The following KCTD12 variants were observed in gnomAD, a reference collection of about 807,000 sequenced individuals.
KCTD12 encodes the protein BTB/POZ domain-containing protein KCTD12.
KCTD12 carries 16 observed loss-of-function variants against 22.6 expected under a neutral mutation model. That is an observed-to-expected ratio of 0.71 (90% CI 0.48 to 1.07). The LOEUF (loss-of-function observed/expected upper bound fraction) is 1.07. Among genes scored for constraint, KCTD12 ranks in the 50% least tolerant of loss-of-function variants. KCTD12 has a pLI of 0.00. For synonymous variants in KCTD12, 260 were observed against 228.0 expected, an observed-to-expected ratio of 1.14 and a Z score of -1.26; for missense variants, 452 against 469.2, an observed-to-expected ratio of 0.96 and a Z score of 0.34.
At position 76,883,190 on chromosome 13, in the gene KCTD12, G is replaced by A. The variant is rs1348535424; in HGVS notation, c.*1981C>T. The stretch of plus-strand genomic sequence containing the variant: ...TGATTCATGTAAAATGTTTATATAT[G>A]GTATATACAGCTTGGATCACATGAG... On this transcript the variant is annotated 3_prime_UTR_variant, in exon 1 of 1. Coordinates refer to ENST00000377474, the MANE Select transcript of KCTD12 (RefSeq NM_138444.4). The A allele has an allele frequency of 6.6e-6, 1 of 152,106 alleles. No individual in the cohort carries two copies. Among genetic ancestry groups the A allele is most frequent in the Non-Finnish European group, 1.5e-5 (1 of 68,008 alleles). 9.4% of individuals were successfully genotyped at this position (152,106 alleles called of 1,614,324 possible). A position where few individuals can be genotyped will look rare whatever the true frequency, so the allele number is the denominator to read the frequency against.
Position 76,886,049 on chromosome 13 carries a change from C to T in KCTD12, c.100G>A (p.Asp34Asn), listed in dbSNP as rs865778397. 1.9e-6 allele frequency: 3 copies of T among 1,574,812 alleles called. No homozygotes were observed. The African/African-American group carries it at 4.1e-5, about 21-fold the overall frequency. The change falls in exon 1 of 1, where the codon GAC becomes AAC. Residue 34 changes from aspartate (D) to asparagine (N), a missense_variant. Asp to Asn is a conservative substitution (Grantham distance 23). Transcript: ENST00000377474. Reference sequence around the variant, plus strand: ...CCCCCCACGTTCAGCTCCACGATGTCGGGGAAGAGCGGTGGCTCCGCGGAG... The same window carrying T: ...CCCCCCACGTTCAGCTCCACGATGTTGGGGAAGAGCGGTGGCTCCGCGGAG... ...SSSAEPPLFP[D>N]IVELNVGGQV...
Position 76,882,494 on chromosome 13 carries a change from A to T in KCTD12, c.*2677T>A, listed in dbSNP as rs953761016. 1 of 152,180 alleles carries T rather than the reference A, an allele frequency of 6.6e-6. No individual in the cohort carries two copies. Among genetic ancestry groups the T allele is most frequent in the African/African-American group, 2.4e-5 (1 of 41,440 alleles). 9.4% of individuals were successfully genotyped at this position (152,180 alleles called of 1,614,324 possible). On this transcript the variant is annotated 3_prime_UTR_variant, in exon 1 of 1. Transcript: ENST00000377474. Reference sequence around the variant, plus strand: ...GTAAGACTTGAGTGACAGAGGCAAAATTTTAGCAGTTTCTCAAGACTCTTG... The same window carrying T: ...GTAAGACTTGAGTGACAGAGGCAAATTTTTAGCAGTTTCTCAAGACTCTTG...
rs1476101547 is a variant in KCTD12, at chr13:76,882,910, TA to T, written c.*2260del. The T allele has an allele frequency of 6.6e-6, 1 of 152,184 alleles. No homozygotes were observed. Among genetic ancestry groups the T allele is most frequent in the East Asian group, 1.9e-4 (1 of 5,202 alleles). 9.4% of individuals were successfully genotyped at this position (152,184 alleles called of 1,614,324 possible). ...CCCAACTAAAAAAAAATTAGTGGATTAAAAATACAGGTACCTTGACTTTAAG... is the reference window on the plus strand; with the variant it reads ...CCCAACTAAAAAAAAATTAGTGGATTAAAATACAGGTACCTTGACTTTAAG... On this transcript the variant is annotated 3_prime_UTR_variant, in exon 1 of 1. Transcript: ENST00000377474.
Position 76,882,265 on chromosome 13 carries a change from A to C in KCTD12, c.*2906T>G, listed in dbSNP as rs1286658522. The C allele has an allele frequency of 1.3e-5, 2 of 152,176 alleles. No homozygotes were observed. Among genetic ancestry groups the C allele is most frequent in the Non-Finnish European group, 1.5e-5 (1 of 68,040 alleles). 9.4% of individuals were successfully genotyped at this position (152,176 alleles called of 1,614,324 possible). Reference sequence around the variant, plus strand: ...CCTTTACTTTAGGCTAAAAATAGACAGTTTTCTTGTATTGACTTTAACTTT... The same window carrying C: ...CCTTTACTTTAGGCTAAAAATAGACCGTTTTCTTGTATTGACTTTAACTTT... On this transcript the variant is annotated 3_prime_UTR_variant, in exon 1 of 1. Transcript: ENST00000377474.
Position 76,882,487 on chromosome 13 carries a change from A to C in KCTD12, c.*2684T>G, listed in dbSNP as rs905533636. 1 of 152,232 alleles carries C rather than the reference A, an allele frequency of 6.6e-6. No individual in the cohort carries two copies. Among genetic ancestry groups the C allele is most frequent in the African/African-American group, 2.4e-5 (1 of 41,458 alleles). The allele number at this position is 152,232 out of a possible 1,614,324, so 9.4% of individuals were successfully genotyped here. ...AACATTTGTAAGACTTGAGTGACAG[A>C]GGCAAAATTTTAGCAGTTTCTCAAG... is the stretch of plus-strand genomic sequence containing the variant. On this transcript the variant is annotated 3_prime_UTR_variant, in exon 1 of 1. Transcript: ENST00000377474.
At position 76,883,411 on chromosome 13, in the gene KCTD12, C is replaced by T. The variant is rs2137701458; in HGVS notation, c.*1760G>A. ...AGGCTTCTCTGTCATCACAGAATAT[C>T]CAAAGGACACCTCACAGCATGGAGC... On this transcript the variant is annotated 3_prime_UTR_variant, in exon 1 of 1. Transcript: ENST00000377474. The T allele has an allele frequency of 6.5e-6, 1 of 152,726 alleles. No homozygotes were observed. The highest frequency in any genetic ancestry group is 2.1e-4 in the South Asian group (1 of 4,824). 9.5% of individuals were successfully genotyped at this position (152,726 alleles called of 1,614,324 possible).
Position 76,886,227 on chromosome 13 carries a change from C to T in KCTD12, c.-79G>A, listed in dbSNP as rs1387360149. 3.6e-6 allele frequency: 5 copies of T among 1,375,484 alleles called. No individual in the cohort carries two copies. The African/African-American group carries it at 6.1e-5, about 17-fold the overall frequency. The allele number at this position is 1,375,484 out of a possible 1,614,324, so 85.2% of individuals were successfully genotyped here. On this transcript the variant is annotated 5_prime_UTR_variant, in exon 1 of 1. Coordinates refer to ENST00000377474, the MANE Select transcript of KCTD12 (RefSeq NM_138444.4). ...AGCTGCAACCGCCTTCCCCGGAGCC[C>T]CGGAACCCGGACGCTCGCTCAGCCC...
Position 76,886,273 on chromosome 13 carries a change from GCCGCCACCGCCGCCA to G in KCTD12, c.-140_-126del, listed in dbSNP as rs1171935922. 5.9e-3 allele frequency: 6,335 copies of G among 1,069,418 alleles called. 34 individuals are homozygous for G. The highest frequency in any genetic ancestry group is 0.012 in the South Asian group (428 of 35,622). The allele number at this position is 1,069,418 out of a possible 1,614,324, so 66.2% of individuals were successfully genotyped here. A position where few individuals can be genotyped will look rare whatever the true frequency, so the allele number is the denominator to read the frequency against. On this transcript the variant is annotated 5_prime_UTR_variant, in exon 1 of 1. Coordinates refer to ENST00000377474, the MANE Select transcript of KCTD12 (RefSeq NM_138444.4). ...AGCCCTGCGCCCCGCCGCCGCCGCCGCCGCCACCGCCGCCACCGCCACCGCCGCCACCTCCTAGAG... is the reference window on the plus strand; with the variant it reads ...AGCCCTGCGCCCCGCCGCCGCCGCCGCCGCCACCGCCGCCACCTCCTAGAG...
At position 76,883,275 on chromosome 13, in the gene KCTD12, G is replaced by C. The variant is rs1049634897; in HGVS notation, c.*1896C>G. On this transcript the variant is annotated 3_prime_UTR_variant, in exon 1 of 1. Transcript: ENST00000377474. The stretch of plus-strand genomic sequence containing the variant: ...ATGGACATAGTAAGATACAGTACGA[G>C]ATTCATTTTTAAAAACAAGGAAAAA... The C allele has an allele frequency of 2.0e-5, 3 of 152,158 alleles. No homozygotes were observed. The highest frequency in any genetic ancestry group is 4.4e-5 in the Non-Finnish European group (3 of 68,018). 9.4% of individuals were successfully genotyped at this position (152,158 alleles called of 1,614,324 possible).
In KCTD12 at chr13:76,885,145, T is replaced by C. The variant is rs1318742138; in HGVS notation, c.*26A>G. 6.3e-6 allele frequency: 10 copies of C among 1,599,948 alleles called. No homozygotes were observed. Among genetic ancestry groups the C allele is most frequent in the East Asian group, 2.2e-5 (1 of 44,598 alleles). Reference sequence around the variant, plus strand: ...CTCGGGCAGGAGAAGGACTGGGCGCTGGAGTGGCGAGGGGGTCTGGGGAGC... The same window carrying C: ...CTCGGGCAGGAGAAGGACTGGGCGCCGGAGTGGCGAGGGGGTCTGGGGAGC... On this transcript the variant is annotated 3_prime_UTR_variant, in exon 1 of 1. Transcript: ENST00000377474. This position sits in a 1 kb window ranked among gnomAD's most constrained non-coding sequence, Gnocchi z 5.1.
Position 76,885,165 on chromosome 13 carries a change from G to C in KCTD12, c.*6C>G, listed in dbSNP as rs574472215. 6.2e-7 allele frequency: 1 copy of C among 1,609,782 alleles called. No individual in the cohort carries two copies. Among genetic ancestry groups the C allele is most frequent in the Admixed American group, 1.7e-5 (1 of 59,890 alleles). On this transcript the variant is annotated 3_prime_UTR_variant, in exon 1 of 1. Transcript: ENST00000377474. The surrounding 1 kb of genome is among the most constrained non-coding windows in gnomAD (Gnocchi z 5.1). ...GGCGCTGGAGTGGCGAGGGGGTCTG[G>C]GGAGCTCACTCCCTGCAGAAGACGT...
In KCTD12 at chr13:76,880,321, T is replaced by C. The variant is rs1327276451; in HGVS notation, c.*4850A>G. 3 of 152,652 alleles carry C rather than the reference T, an allele frequency of 2.0e-5. No individual in the cohort carries two copies. Among genetic ancestry groups the C allele is most frequent in the African/African-American group, 7.2e-5 (3 of 41,454 alleles). 9.5% of individuals were successfully genotyped at this position (152,652 alleles called of 1,614,324 possible). On this transcript the variant is annotated 3_prime_UTR_variant, in exon 1 of 1. Transcript: ENST00000377474. ...TGGTTGTGAACAGGAAGAACAAAAA[T>C]CTTTATAGCATTAGATGGTTGAAGA...
Position 76,881,836 on chromosome 13 carries a change from GTTTTTT to G in KCTD12, c.*3329_*3334del, listed in dbSNP as rs34132489. ...TGCAAACACACAGAACCTGGTACCT[GTTTTTT>G]TTTTTTTTTTAACCACCATTGTCTA... On this transcript the variant is annotated 3_prime_UTR_variant, in exon 1 of 1. Transcript: ENST00000377474. 6 of 144,016 alleles carry G rather than the reference GTTTTTT, an allele frequency of 4.2e-5. No individual in the cohort carries two copies. The highest frequency in any genetic ancestry group is 9.2e-5 in the Non-Finnish European group (6 of 65,366). The allele number at this position is 144,016 out of a possible 1,614,324, so 8.9% of individuals were successfully genotyped here.
Position 76,885,425 on chromosome 13 carries a change from T to A in KCTD12, c.724A>T (p.Thr242Ser), listed in dbSNP as rs2033253842. The change falls in exon 1 of 1, where the codon ACG becomes TCG. Residue 242 changes from threonine (T) to serine (S), a missense_variant. Thr to Ser is a moderately conservative substitution (Grantham distance 58, BLOSUM62 1). This residue lies in a region of KCTD12 where 122 missense variants were observed against 172.8 expected (regional missense o/e 0.71). Coordinates refer to ENST00000377474, the MANE Select transcript of KCTD12 (RefSeq NM_138444.4). This position sits in a 1 kb window ranked among gnomAD's most constrained non-coding sequence, Gnocchi z 5.1. Reference protein sequence around the residue: ...RVARITVCGKTSLAKEVFGDT... With the variant: ...RVARITVCGKSSLAKEVFGDT... ...CCAAACACCTCCTTGGCCAGCGACG[T>A]CTTTCCGCAAACGGTGATGCGCGCC... The A allele has an allele frequency of 6.2e-7, 1 of 1,612,910 alleles. No homozygotes were observed. Among genetic ancestry groups the A allele is most frequent in the African/African-American group, 1.3e-5 (1 of 74,944 alleles).
rs1334449572 is a variant in KCTD12, at chr13:76,884,295, CCTCCTACGGCG to C, written c.*865_*875del. 1 of 152,088 alleles carries C rather than the reference CCTCCTACGGCG, an allele frequency of 6.6e-6. No homozygotes were observed. The highest frequency in any genetic ancestry group is 2.4e-5 in the African/African-American group (1 of 41,390). The allele number at this position is 152,088 out of a possible 1,614,324, so 9.4% of individuals were successfully genotyped here. ...GCTCCCTACAGTCACTGCCAGGTGA[CCTCCTACGGCG>C]CTTGGAGACCTGAGCAGCCTTGCAC... On this transcript the variant is annotated 3_prime_UTR_variant, in exon 1 of 1. Transcript: ENST00000377474.
chr13:76,885,877 T>C lies in KCTD12; in HGVS notation c.272A>G (p.Tyr91Cys), dbSNP rs2033263397. 1.3e-6 allele frequency: 2 copies of C among 1,597,258 alleles called. No homozygotes were observed. Among genetic ancestry groups the C allele is most frequent in the Admixed American group, 1.7e-5 (1 of 59,846 alleles). ...CAAGTCCCGCAGGTAATCCAGGATG[T>C]AGCGGAAGAGGAAGCCGTCCCGGTC... ...FLDRDGFLFR[Y>C]ILDYLRDLQL... is the part of the protein sequence containing the mutation. Residue 91 changes from tyrosine to cysteine, a missense_variant, in exon 1 of 1, where the codon TAC (tyrosine) becomes TGC (cysteine). Tyr to Cys is a radical substitution (Grantham distance 194). This residue lies in a region of KCTD12 where 330 missense variants were observed against 296.5 expected (regional missense o/e 1.11). Coordinates refer to ENST00000377474, the MANE Select transcript of KCTD12 (RefSeq NM_138444.4). This position sits in a 1 kb window ranked among gnomAD's most constrained non-coding sequence, Gnocchi z 5.1.
Position 76,885,477 on chromosome 13 carries a change from C to T in KCTD12, c.672G>A (p.Ala224=). The T allele has an allele frequency of 8.1e-6, 13 of 1,608,006 alleles. No individual in the cohort carries two copies. The highest frequency in any genetic ancestry group is 1.1e-5 in the South Asian group (1 of 90,700). ...CTCGCCGGAACTTGGCGTCCGCCTG[C>T]GCGTCCCGCCCGATGGTGTAGGAGC... ...YRGSYTIGRD[A]QADAKFRRVA... is the part of the protein sequence containing the mutation. The change falls in exon 1 of 1, where the codon GCG becomes GCA. Residue 224 remains alanine (A), a synonymous_variant. Transcript: ENST00000377474. The surrounding 1 kb of genome is among the most constrained non-coding windows in gnomAD (Gnocchi z 5.1).
At position 76,885,119 on chromosome 13, in the gene KCTD12, T is replaced by C. The variant is rs1016973036; in HGVS notation, c.*52A>G. 8.3e-6 allele frequency: 13 copies of C among 1,573,428 alleles called. No individual in the cohort carries two copies. In the African/African-American group the frequency reaches 1.4e-4, roughly 16 times the overall value. On this transcript the variant is annotated 3_prime_UTR_variant, in exon 1 of 1. Coordinates refer to ENST00000377474, the MANE Select transcript of KCTD12 (RefSeq NM_138444.4). This position sits in a 1 kb window ranked among gnomAD's most constrained non-coding sequence, Gnocchi z 5.1. Reference sequence around the variant, plus strand: ...TGGGACAAGAGGCTCTGTAATCATCTCTCGGGCAGGAGAAGGACTGGGCGC... The same window carrying C: ...TGGGACAAGAGGCTCTGTAATCATCCCTCGGGCAGGAGAAGGACTGGGCGC...
Position 76,882,939 on chromosome 13 carries a change from G to A in KCTD12, c.*2232C>T, listed in dbSNP as rs1482102714. ...AATACAGGTACCTTGACTTTAAGTA[G>A]ACAGTTAATCAACATATGATTAGTA... On this transcript the variant is annotated 3_prime_UTR_variant, in exon 1 of 1. Coordinates refer to ENST00000377474, the MANE Select transcript of KCTD12 (RefSeq NM_138444.4). The A allele has an allele frequency of 6.6e-6, 1 of 152,110 alleles. No individual in the cohort carries two copies. The highest frequency in any genetic ancestry group is 1.5e-5 in the Non-Finnish European group (1 of 68,010). 9.4% of individuals were successfully genotyped at this position (152,110 alleles called of 1,614,324 possible). A position where few individuals can be genotyped will look rare whatever the true frequency, so the allele number is the denominator to read the frequency against.
Sources: gnomAD v4.1 joint callset for allele counts on GRCh38, gnomAD v4.1.1 for gene constraint, gnomAD v4.1.1 regional missense constraint, Gnocchi (gnomAD v3.1) non-coding constraint, MANE v1.5 for transcripts, NCBI Gene and HGNC (gene_info 2026-07-23, HGNC 2026-07-21) for gene names.